MMP26: variants seen among roughly 807,000 people sequenced by gnomAD.
MMP26 encodes matrix metallopeptidase 26.
MMP26 carries 33 observed loss-of-function variants against 31.0 expected under a neutral mutation model. The ratio of observed to expected loss-of-function variants is 1.06; its 90% CI spans 0.81 to 1.42. The LOEUF (loss-of-function observed/expected upper bound fraction) is 1.42. Ranked by LOEUF, MMP26 falls within the 40% of genes most tolerant of loss-of-function variation. MMP26 has a pLI of 0.00. For synonymous variants in MMP26, 122 were observed against 114.9 expected (o/e 1.06, Z -0.40); for missense variants, 347 against 316.1 (o/e 1.10, Z -0.74).
In MMP26 at chr11:4,990,691, A is replaced by G. The variant is rs371935816; in HGVS notation, c.414A>G (p.Ile138Met). Residue 138 changes from isoleucine (I) to methionine (M), a missense_variant, in exon 5 of 8, where the codon ATA becomes ATG. Coordinates refer to ENST00000380390, the MANE Select transcript of MMP26 (RefSeq NM_021801.5). ...TCTGGAGCAATGTGACCCCTTTGAT[A>G]TTCCAGCAAGTGCAGAATGGAGATG... ...VSIWSNVTPL[I>M]FQQVQNGDAD... 1 of 1,614,124 alleles carries G rather than the reference A, an allele frequency of 6.2e-7. No homozygotes were observed. Among genetic ancestry groups the G allele is most frequent in the East Asian group, 2.2e-5 (1 of 44,854 alleles).
intron 1 of MMP26, among the ~76,000 whole-genome samples, chr11:4,734,753 C>T (rs1848214704): frequency 1.5e-5 from 1 of 64,968 alleles, no homozygotes; most frequent in Non-Finnish European, 3.2e-5. Context: ...TGGACTTACA[C>T]TCCTTTTATA....
intron 2 of MMP26, among the ~76,000 whole-genome samples, chr11:4,974,336 T>G (rs1368057210): frequency 1.3e-5 from 2 of 150,262 alleles, no homozygotes; most frequent in Admixed American, 1.3e-4. Flanking sequence ...ATTTGTAAGA[T>G]TTTTTAAAAG....
chr11:4,723,431 G>C, intron 1 of MMP26: 1 of 1,022,878 alleles, frequency 9.8e-7, no homozygotes, highest in Non-Finnish European at 1.5e-6. Flanking sequence ...TCCAGGGAGC[G>C]GCTGCTGTCC....
intron 2 of MMP26, among the ~76,000 whole-genome samples, chr11:4,986,479 C>G (rs904967329): frequency 6.4e-5 from 9 of 141,020 alleles, no homozygotes; most frequent in African/African-American, 2.1e-4. Context: ...TCCTGAGTAG[C>G]TGGGACAAGT....
intron 2 of MMP26, among the ~76,000 whole-genome samples, chr11:4,814,233 A>G (rs1849390761): frequency 6.6e-6 from 1 of 152,140 alleles, no homozygotes; most frequent in Non-Finnish European, 1.5e-5. Context: ...TGAGCGAGCA[A>G]TTTCACTTTT....
At chr11:4,714,084 G>C (rs1847895140) in intron 1 of MMP26, among the ~76,000 whole-genome samples, 1 of 152,084 alleles carries the variant, frequency 6.6e-6, no homozygotes, top group Non-Finnish European at 1.5e-5. Flanking sequence ...CAGCTCCTCA[G>C]GCTCCTTTCT....
chr11:4,989,581 C>A lies in MMP26; in HGVS notation c.100-67C>A, dbSNP rs887911270. 237 of 1,313,468 alleles carry A rather than the reference C, an allele frequency of 1.8e-4. 3 individuals carry two copies. In the South Asian group the frequency reaches 3.0e-3, roughly 16 times the overall value. The allele number at this position is 1,313,468 out of a possible 1,614,324, so 81.4% of individuals were successfully genotyped here. ...CTGAGACCCTCAAAGAAGGCTATGC[C>A]CAGGGTAACTGATATATGGGTCTTC... On this transcript the variant is annotated intron_variant, in intron 3 of 7. Coordinates refer to ENST00000380390, the MANE Select transcript of MMP26 (RefSeq NM_021801.5).
At chr11:4,789,648 C>T (rs193029196) in intron 2 of MMP26, among the ~76,000 whole-genome samples, 207 of 135,380 alleles carry the variant, frequency 1.5e-3, no homozygotes, top group Middle Eastern at 0.015. Context: ...TCAAGTGATT[C>T]TCCTGCCTCA....
intron 2 of MMP26, among the ~76,000 whole-genome samples, chr11:4,980,273 C>T (rs1186487527): frequency 6.6e-6 from 1 of 152,004 alleles, no homozygotes; most frequent in Non-Finnish European, 1.5e-5. Context: ...ACCAAAGTTT[C>T]CAGATGATAG....
intron 2 of MMP26, among the ~76,000 whole-genome samples, chr11:4,866,158 T>C (rs999769250): frequency 3.3e-5 from 5 of 151,984 alleles, no homozygotes; most frequent in African/African-American, 1.2e-4. Flanking sequence ...AAAAGTGGAA[T>C]ACAAATAAAA....
chr11:4,802,166 G>A (rs1044119620), intron 2 of MMP26, among the ~76,000 whole-genome samples: 3 of 152,112 alleles, frequency 2.0e-5, no homozygotes, highest in African/African-American at 7.2e-5. Context: ...GAGTAATACA[G>A]CTTAACTAAT....
intron 2 of MMP26, among the ~76,000 whole-genome samples, chr11:4,931,327 C>T (rs1851344050): frequency 6.6e-6 from 1 of 152,048 alleles, no homozygotes. Context: ...TGTCCTGCCT[C>T]ATATGCAGGT....
chr11:4,865,534 AC>A (rs1850221976), intron 2 of MMP26, among the ~76,000 whole-genome samples: 1 of 152,112 alleles, frequency 6.6e-6, no homozygotes, highest in Non-Finnish European at 1.5e-5. Context: ...GAAAACCTTT[AC>A]AACTTCAGGG....
chr11:4,907,208 G>A (rs1222365379), intron 2 of MMP26: 4 of 543,990 alleles, frequency 7.4e-6, no homozygotes, highest in Non-Finnish European at 9.8e-6. Context: ...AGGACTTCTG[G>A]TAAATTTTGA....
intron 2 of MMP26, among the ~76,000 whole-genome samples, chr11:4,868,199 A>G (rs1168663453): frequency 2.0e-5 from 3 of 152,108 alleles, no homozygotes; most frequent in Non-Finnish European, 1.5e-5. Flanking sequence ...AATGATGAGA[A>G]CACATGGACA....
rs752090545 is a variant in MMP26 at position 4,859,894 on chromosome 11, AG to A, written c.-145+92556del. ...GGAGACAATGCCCAGCACAGTCTTC[AG>A]GGTGAGTACATAAGACAGTAGAGTG... On this transcript the variant is annotated intron_variant, in intron 2 of 7. Transcript: ENST00000380390. 1.1e-5 allele frequency: 5 copies of A among 471,100 alleles called. 1 individual carries two copies. The highest frequency in any genetic ancestry group is 6.0e-5 in the African/African-American group (3 of 50,076). The allele number at this position is 471,100 out of a possible 1,614,324, so 29.2% of individuals were successfully genotyped here.
rs1205868644 is a variant in MMP26 at position 4,738,272 on chromosome 11, C to A, written c.-216-28998C>A. On this transcript the variant is annotated intron_variant, in intron 1 of 7. Transcript: ENST00000380390. ...TCTTTGCAAAGAAAGAAAATCAAGACAAATGAAGACAGGAGAGCCGGGCAG... is the reference window on the plus strand; with the variant it reads ...TCTTTGCAAAGAAAGAAAATCAAGAAAAATGAAGACAGGAGAGCCGGGCAG... Among the ~76,000 whole-genome samples, 12 of 152,130 alleles carry A rather than the reference C, an allele frequency of 7.9e-5. No individual in the cohort carries two copies. The East Asian group carries it at 2.3e-3, about 29-fold the overall frequency.
chr11:4,906,664 G>A (rs917829710), intron 2 of MMP26, among the ~76,000 whole-genome samples: 8 of 152,178 alleles, frequency 5.3e-5, no homozygotes, highest in Non-Finnish European at 1.0e-4. Flanking sequence ...ATAAAGCTCA[G>A]AGATTTTATT....
chr11:4,798,520 T>C (rs1199162193), intron 2 of MMP26, among the ~76,000 whole-genome samples: 1 of 152,234 alleles, frequency 6.6e-6, no homozygotes, highest in Non-Finnish European at 1.5e-5. Flanking sequence ...CTACTCTCCA[T>C]TGAACGGAAA....
Sources: gnomAD v4.1 joint callset for allele counts (sites outside exome capture counted in the v4.1 genomes callset) on GRCh38, gnomAD v4.1.1 for gene constraint, MANE v1.5 for transcripts, NCBI Gene and HGNC (gene_info 2026-07-23, HGNC 2026-07-21) for gene names.